The following PCDHA10 variants were observed in gnomAD, a reference collection of about 807,000 sequenced individuals.
The protein encoded by PCDHA10 is protocadherin alpha-10.
PCDHA10 carries 45 observed loss-of-function variants against 61.2 expected under a neutral mutation model. The ratio of observed to expected loss-of-function variants is 0.74; its 90% CI spans 0.58 to 0.94. The LOEUF (loss-of-function observed/expected upper bound fraction) is 0.94, where lower values mean the gene tolerates loss of function less well. Among genes scored for constraint, PCDHA10 ranks in the 40% least tolerant of loss-of-function variants. The pLI is 0.00. For synonymous variants in PCDHA10, 602 were observed against 548.8 expected (o/e 1.10, Z -1.35); for missense variants, 1,278 against 1,236.2 (o/e 1.03, Z -0.51).
intron 1 of PCDHA10, among the ~76,000 whole-genome samples, chr5:140,956,122 A>T (rs1371284760): frequency 6.6e-6 from 1 of 152,116 alleles, no homozygotes; most frequent in Non-Finnish European, 1.5e-5. Context: ...CTCTCTTCCT[A>T]TTTGAATACC....
At position 140,941,206 on chromosome 5, in the gene PCDHA10, TCTTTCTTC is replaced by T. The variant is rs1268159199; in HGVS notation, c.2389-37735_2389-37728del. Among the ~76,000 whole-genome samples the T allele has an allele frequency of 1.2e-3, 117 of 95,670 alleles. 1 individual carries two copies. The highest frequency in any genetic ancestry group is 8.3e-3 in the South Asian group (27 of 3,240). The allele number at this position is 95,670 out of a possible 152,430, so 62.8% of individuals were successfully genotyped here. A position where few individuals can be genotyped will look rare whatever the true frequency, so the allele number is the denominator to read the frequency against. On this transcript the variant is annotated intron_variant, in intron 1 of 3. Coordinates refer to ENST00000307360, the MANE Select transcript of PCDHA10 (RefSeq NM_018901.4). ...GCTTCTTTTTTTTTCTTTCTTCCTTTCTTTCTTCCTTTCTTTCTTTCTTTCTTTCTTTC... is the reference window on the plus strand; with the variant it reads ...GCTTCTTTTTTTTTCTTTCTTCCTTTCTTTCTTTCTTTCTTTCTTTCTTTC...
chr5:140,887,565 T>C (rs1214384060), intron 1 of PCDHA10, among the ~76,000 whole-genome samples: 2 of 152,180 alleles, frequency 1.3e-5, no homozygotes, highest in Admixed American at 1.3e-4. Context: ...TTAAAACTTT[T>C]CTTTTTATCC....
chr5:140,998,393 C>A (rs1178528705), intron 3 of PCDHA10, among the ~76,000 whole-genome samples: 12 of 152,288 alleles, frequency 7.9e-5, no homozygotes, highest in African/African-American at 2.4e-4. Flanking sequence ...TTAATGCCAT[C>A]TTTATGCCAA....
intron 1 of PCDHA10, chr5:140,884,429 C>G: frequency 6.2e-7 from 1 of 1,613,964 alleles, no homozygotes. Flanking sequence ...GTATACTGCG[C>G]TGCGGTGCTC....
chr5:140,967,682 C>G, intron 1 of PCDHA10: 2 of 1,614,176 alleles, frequency 1.2e-6, no homozygotes, highest in South Asian at 2.2e-5. Context: ...CCGGGAGAGG[C>G]AGCTCTTCAG....
Position 140,941,473 on chromosome 5 carries a change from G to A in PCDHA10, c.2389-37476G>A, listed in dbSNP as rs192163900. Among the ~76,000 whole-genome samples, 149 of 151,018 alleles carry A rather than the reference G, an allele frequency of 9.9e-4. 1 individual carries two copies. Among genetic ancestry groups the A allele is most frequent in the African/African-American group, 3.5e-3 (143 of 41,138 alleles). Reference sequence around the variant, plus strand: ...TGGGATTACAGGCGCCCACCACCACGCCTGGCTAATTTTTTGTATTTTTAG... The same window carrying A: ...TGGGATTACAGGCGCCCACCACCACACCTGGCTAATTTTTTGTATTTTTAG... On this transcript the variant is annotated intron_variant, in intron 1 of 3. Coordinates refer to ENST00000307360, the MANE Select transcript of PCDHA10 (RefSeq NM_018901.4).
At chr5:140,897,881 C>T (rs1417702752) in intron 1 of PCDHA10, among the ~76,000 whole-genome samples, 1 of 152,194 alleles carries the variant, frequency 6.6e-6, no homozygotes. Context: ...GATTGCCATT[C>T]TAACTGGTGT....
chr5:140,898,246 A>G (rs377438166), intron 1 of PCDHA10, among the ~76,000 whole-genome samples: 49 of 152,286 alleles, frequency 3.2e-4, no homozygotes, highest in African/African-American at 1.1e-3. Context: ...TTGGTGTTTT[A>G]GACATGAAGT....
intron 1 of PCDHA10, chr5:140,867,487 T>C (rs1020782942): frequency 1.3e-5 from 2 of 152,026 alleles, no homozygotes; most frequent in African/African-American, 4.8e-5. Context: ...AGAGTAAATA[T>C]GAAAAAAGTA....
At chr5:140,858,637 A>G in intron 1 of PCDHA10, 1 of 969,728 alleles carries the variant, frequency 1.0e-6, no homozygotes, top group Non-Finnish European at 1.5e-6. Context: ...TCAGCCTTTG[A>G]TTGGTACTTA....
At chr5:140,963,091 T>C (rs1250580965) in intron 1 of PCDHA10, among the ~76,000 whole-genome samples, 1 of 152,162 alleles carries the variant, frequency 6.6e-6, no homozygotes, top group African/African-American at 2.4e-5. Flanking sequence ...AAGACATGGC[T>C]CCTGCTTTCA....
At chr5:140,862,330 T>A in intron 1 of PCDHA10, 1 of 326,684 alleles carries the variant, frequency 3.1e-6, no homozygotes, top group Non-Finnish European at 6.0e-6. Flanking sequence ...TCAGTGTAAT[T>A]GACCCTAACT....
intron 1 of PCDHA10, chr5:140,869,089 C>G: frequency 6.3e-7 from 1 of 1,588,998 alleles, no homozygotes; most frequent in Non-Finnish European, 8.6e-7. Context: ...ATTTTGGAAG[C>G]CAATTTCGTA....
intron 1 of PCDHA10, chr5:140,863,573 C>T (rs2048075555): frequency 5.4e-6 from 2 of 367,848 alleles, no homozygotes; most frequent in South Asian, 4.3e-5. Flanking sequence ...AATATAAGTA[C>T]TGTAATCCTG....
chr5:140,926,215 C>T (rs2083014396), intron 1 of PCDHA10, among the ~76,000 whole-genome samples: 1 of 152,170 alleles, frequency 6.6e-6, no homozygotes, highest in Non-Finnish European at 1.5e-5. Flanking sequence ...CTCCTGTTTC[C>T]TTAAGCCTAG....
At chr5:140,926,575 C>T in intron 1 of PCDHA10, 1 of 273,448 alleles carries the variant, frequency 3.7e-6, no homozygotes, top group Non-Finnish European at 6.8e-6. Flanking sequence ...CTGGAGACAG[C>T]ACCTCTCGCG....
At chr5:140,990,318 A>C (rs2097387548) in intron 3 of PCDHA10, among the ~76,000 whole-genome samples, 1 of 152,054 alleles carries the variant, frequency 6.6e-6, no homozygotes, top group Admixed American at 6.5e-5. Context: ...AACCAACCAA[A>C]CAAACTTTAA....
intron 1 of PCDHA10, among the ~76,000 whole-genome samples, chr5:140,911,424 T>C (rs1180624921): frequency 6.6e-6 from 1 of 152,168 alleles, no homozygotes; most frequent in Non-Finnish European, 1.5e-5. Context: ...TAAGAACTTG[T>C]GTCCAATTTC....
Position 140,856,152 on chromosome 5 carries a change from A to T in PCDHA10, c.104A>T (p.Tyr35Phe). 6.3e-7 allele frequency: 1 copy of T among 1,598,182 alleles called. No individual in the cohort carries two copies. The highest frequency in any genetic ancestry group is 8.6e-7 in the Non-Finnish European group (1 of 1,167,862). Residue 35 changes from tyrosine (Y) to phenylalanine (F), a missense_variant, in exon 1 of 4, where the codon TAC becomes TTC. Physicochemically the swap from Tyr to Phe is conservative, Grantham distance 22. Coordinates refer to ENST00000307360, the MANE Select transcript of PCDHA10 (RefSeq NM_018901.4). ...AGCGGCCAGCTCCACTACTCAGTCT[A>T]CGAGGAGGCCAGACACGGCACCTTC... is the stretch of plus-strand genomic sequence containing the variant. The part of the protein sequence containing the change: ...VGSGQLHYSV[Y>F]EEARHGTFVG...
Sources: gnomAD v4.1 joint callset for allele counts (sites outside exome capture counted in the v4.1 genomes callset) on GRCh38, gnomAD v4.1.1 for gene constraint, MANE v1.5 for transcripts, NCBI Gene and HGNC (gene_info 2026-07-23, HGNC 2026-07-21) for gene names.